The following FAM193B variants were observed in gnomAD, a reference collection of about 807,000 sequenced individuals.
The protein encoded by FAM193B is protein FAM193B.
In FAM193B, 27 loss-of-function variants were observed where a neutral mutation model predicts 70.7. The ratio of observed to expected loss-of-function variants is 0.38; its 90% CI spans 0.28 to 0.53. FAM193B has a LOEUF of 0.53. Among genes scored for constraint, FAM193B ranks in the 20% least tolerant of loss-of-function variants. The pLI is 0.81. For synonymous variants in FAM193B, 448 were observed against 436.0 expected (o/e 1.03, Z -0.34); for missense variants, 1,022 against 1,072.5 (o/e 0.95, Z 0.66).
rs753794039 is a variant in FAM193B, at chr5:177,539,090, G to A, written c.268C>T (p.Arg90Cys). The A allele has an allele frequency of 5.6e-6, 9 of 1,610,222 alleles. No homozygotes were observed. In the East Asian group the frequency reaches 8.9e-5, roughly 16 times the overall value. ...GAAGGGCCTTCTTCCCAGCCTTTGC[G>A]TTCCCGGTGACACAGCAGGCAGCAA... ...QTCCLLCHRE[R>C]KGWEEGPSQN... Residue 90 changes from arginine (R) to cysteine (C), a missense_variant, in exon 2 of 9, where the codon CGC becomes TGC. By Grantham distance (180) the Arg-to-Cys change is radical. Transcript: ENST00000514747.
At chr5:177,528,683 C>G (rs1762996000) in intron 5 of FAM193B, among the ~76,000 whole-genome samples, 1 of 152,120 alleles carries the variant, frequency 6.6e-6, no homozygotes, top group South Asian at 2.1e-4. Flanking sequence ...AGGCTATTTG[C>G]CAAAAAATAA....
In FAM193B at chr5:177,525,196, T is replaced by C; in HGVS notation, c.1285A>G (p.Lys429Glu). 9 of 1,449,576 alleles carry C rather than the reference T, an allele frequency of 6.2e-6. No individual in the cohort carries two copies. The highest frequency in any genetic ancestry group is 8.2e-6 in the Non-Finnish European group (9 of 1,096,182). The allele number at this position is 1,449,576 out of a possible 1,614,324, so 89.8% of individuals were successfully genotyped here. A position where few individuals can be genotyped will look rare whatever the true frequency, so the allele number is the denominator to read the frequency against. ...EFFGHNAEKE[K>E]AQLAAEALKQ... ...AGAGCTTCTGCTGCCAACTGGGCCT[T>C]CTCCTTTTCCTGCCAAGGCAAGAGG... is the stretch of plus-strand genomic sequence containing the variant. The change falls in exon 6 of 9, where the codon AAG (lysine) becomes GAG (glutamate). Residue 429 changes from lysine (K) to glutamate (E), a missense_variant. Physicochemically the swap from Lys to Glu is moderately conservative, Grantham distance 56 (BLOSUM62 1). Coordinates refer to ENST00000514747, the MANE Select transcript of FAM193B (RefSeq NM_001190946.3).
chr5:177,536,586 G>A lies in FAM193B; in HGVS notation c.848C>T (p.Ala283Val), dbSNP rs777405932. ...PHPHLLPTTP[A>V]APFPAQASEC... ...TGAAGCCTGGGCAGGGAAAGGTGCTGCCGGGGTGGTGGGCAGCAGGTGTGG... is the reference window on the plus strand; with the variant it reads ...TGAAGCCTGGGCAGGGAAAGGTGCTACCGGGGTGGTGGGCAGCAGGTGTGG... The change falls in exon 4 of 9, where the codon GCA (alanine) becomes GTA (valine). Residue 283 changes from alanine to valine, a missense_variant. Physicochemically the swap from Ala to Val is moderately conservative, Grantham distance 64. Transcript: ENST00000514747. 1 of 1,545,710 alleles carries A rather than the reference G, an allele frequency of 6.5e-7. No individual in the cohort carries two copies. The highest frequency in any genetic ancestry group is 1.2e-5 in the South Asian group (1 of 81,190).
intron 5 of FAM193B, among the ~76,000 whole-genome samples, chr5:177,526,103 G>T (rs1459975169): frequency 2.0e-5 from 3 of 152,220 alleles, no homozygotes; most frequent in Non-Finnish European, 4.4e-5. Flanking sequence ...GGCAGCTGGT[G>T]AGAGAAACCA....
intron 5 of FAM193B, among the ~76,000 whole-genome samples, chr5:177,526,896 G>A (rs758448449): frequency 1.3e-5 from 2 of 152,234 alleles, no homozygotes; most frequent in African/African-American, 2.4e-5. Flanking sequence ...TTTAGCGTAC[G>A]TGAGACATTC....
At chr5:177,543,071 C>T (rs976002270) in intron 1 of FAM193B, among the ~76,000 whole-genome samples, 2 of 152,142 alleles carry the variant, frequency 1.3e-5, no homozygotes, top group Non-Finnish European at 2.9e-5. Flanking sequence ...ATCTTAACCG[C>T]GTTAAGAGTA....
At chr5:177,531,466 G>A (rs754302151) in intron 5 of FAM193B, 9 of 1,361,504 alleles carry the variant, frequency 6.6e-6, no homozygotes, top group Admixed American at 3.8e-5. Context: ...GGTCAGCCTC[G>A]AGCGGAGCTT....
chr5:177,536,459 T>C lies in FAM193B; in HGVS notation c.975A>G (p.Pro325=). ...TGCAGGGGTGGCTGCACCCCGAGAA[T>C]GGTGGGGGCATCTTCAGGAGCGGCA... ...TSMPLLKMPP[P]FSGCSHPCSG... The change falls in exon 4 of 9, where the codon CCA becomes CCG. Residue 325 remains proline (P), a synonymous_variant. Coordinates refer to ENST00000514747, the MANE Select transcript of FAM193B (RefSeq NM_001190946.3). The C allele has an allele frequency of 6.3e-7, 1 of 1,584,096 alleles. No homozygotes were observed. Among genetic ancestry groups the C allele is most frequent in the Non-Finnish European group, 8.5e-7 (1 of 1,169,984 alleles).
rs754623199 is a variant in FAM193B at position 177,554,309 on chromosome 5, C to T, written c.150G>A (p.Ala50=). The T allele has an allele frequency of 1.9e-5, 25 of 1,350,416 alleles. No homozygotes were observed. Among genetic ancestry groups the T allele is most frequent in the African/African-American group, 3.0e-5 (2 of 66,268 alleles). The allele number at this position is 1,350,416 out of a possible 1,614,324, so 83.7% of individuals were successfully genotyped here. ...GAGAGPPEAP[A]EPDHDGPRED... ...CCCTGGGGCCGTCGTGGTCGGGCTC[C>T]GCCGGCGCCTCCGGAGGGCCTGCAC... Residue 50 remains alanine, a synonymous_variant, in exon 1 of 9, where the codon GCG becomes GCA. Transcript: ENST00000514747.
In FAM193B at chr5:177,522,013, A is replaced by G; in HGVS notation, c.2431T>C (p.Phe811Leu). 1 of 1,614,000 alleles carries G rather than the reference A, an allele frequency of 6.2e-7. No homozygotes were observed. The highest frequency in any genetic ancestry group is 8.5e-7 in the Non-Finnish European group (1 of 1,179,870). ...CTAGGAGTGGTTTTCTTGAGGCTGA[A>G]GTTGGTCCAGTTCACAGCAACTTTC... ...RQKVAVNWTN[F>L]SLKKTTPSTA... The change falls in exon 8 of 9, where the codon TTC (phenylalanine) becomes CTC (leucine). Residue 811 changes from phenylalanine to leucine, a missense_variant. Transcript: ENST00000514747.
At chr5:177,537,772 T>G in intron 3 of FAM193B, 101 bp downstream of exon 3, 2 of 1,432,166 alleles carry the variant, frequency 1.4e-6, no homozygotes, top group Non-Finnish European at 1.8e-6. Flanking sequence ...CTTTTACTTA[T>G]TTTAGTAACC....
Position 177,538,097 on chromosome 5 carries a change from G to A in FAM193B, c.464C>T (p.Ser155Leu), listed in dbSNP as rs1436118157. Reference protein sequence around the residue: ...GREHAVAISLSHTSCKSQSCG... With the variant: ...GREHAVAISLLHTSCKSQSCG... ...AGACTGTGATTTGCAGGATGTGTGTGACAAGGAGATCTGGAGAAGGGGGAG... is the reference window on the plus strand; with the variant it reads ...AGACTGTGATTTGCAGGATGTGTGTAACAAGGAGATCTGGAGAAGGGGGAG... The change falls in exon 3 of 9, where the codon TCA becomes TTA. Residue 155 changes from serine to leucine, a missense_variant. Coordinates refer to ENST00000514747, the MANE Select transcript of FAM193B (RefSeq NM_001190946.3). The surrounding 1 kb of genome is among the most constrained non-coding windows in gnomAD (Gnocchi z 4.1). 4.5e-6 allele frequency: 7 copies of A among 1,540,664 alleles called. No homozygotes were observed. The highest frequency in any genetic ancestry group is 1.4e-5 in the African/African-American group (1 of 72,872).
At chr5:177,551,812 A>G (rs1455293750) in intron 1 of FAM193B, among the ~76,000 whole-genome samples, 2 of 152,242 alleles carry the variant, frequency 1.3e-5, no homozygotes, top group Admixed American at 1.3e-4. Flanking sequence ...AGACAGGGTT[A>G]TGAGTGGCAA....
intron 1 of FAM193B, chr5:177,553,148 C>CA (rs1766523426): frequency 1.0e-6 from 1 of 985,308 alleles, no homozygotes; most frequent in Non-Finnish European, 1.2e-6. Context: ...GAAGGTACCC[C>CA]AAACGGCAAC....
At chr5:177,553,688 G>A in intron 1 of FAM193B, 1 of 1,287,824 alleles carries the variant, frequency 7.8e-7, no homozygotes, top group Non-Finnish European at 1.0e-6. Flanking sequence ...CCTCAGTGCA[G>A]AAACCCCACC....
chr5:177,550,480 C>T (rs1766065501), intron 1 of FAM193B, among the ~76,000 whole-genome samples: 1 of 152,184 alleles, frequency 6.6e-6, no homozygotes, highest in South Asian at 2.1e-4. Flanking sequence ...TCATCTGCTC[C>T]AATTTCTTGA....
intron 4 of FAM193B, among the ~76,000 whole-genome samples, chr5:177,533,716 T>C (rs1326767824): frequency 6.6e-6 from 1 of 152,154 alleles, no homozygotes; most frequent in African/African-American, 2.4e-5. Context: ...GCCCAACAGG[T>C]GGCCAGGACT....
intron 1 of FAM193B, chr5:177,553,527 T>C: frequency 8.7e-7 from 1 of 1,144,336 alleles, no homozygotes; most frequent in Non-Finnish European, 1.1e-6. Flanking sequence ...CAAAAGAAAG[T>C]GACCTTCTTC....
At chr5:177,528,936 G>C (rs1362358978) in intron 5 of FAM193B, among the ~76,000 whole-genome samples, 1 of 152,182 alleles carries the variant, frequency 6.6e-6, no homozygotes, top group Non-Finnish European at 1.5e-5. Context: ...GTGTTTCTGA[G>C]TGGGTCTGAA....
Sources: gnomAD v4.1 joint callset for allele counts (sites outside exome capture counted in the v4.1 genomes callset) on GRCh38, gnomAD v4.1.1 for gene constraint, Gnocchi (gnomAD v3.1) non-coding constraint, MANE v1.5 for transcripts, NCBI Gene and HGNC (gene_info 2026-07-23, HGNC 2026-07-21) for gene names.